The following ZNF385D variants were observed in gnomAD, a reference collection of about 807,000 sequenced individuals.
The protein encoded by ZNF385D is zinc finger protein 659.
In ZNF385D, 15 loss-of-function variants were observed where a neutral mutation model predicts 35.8. The observed-to-expected ratio is 0.42, with a 90% CI of 0.28 to 0.64. The LOEUF is 0.64. ZNF385D is among the 30% of genes least tolerant of loss of function. ZNF385D has a pLI of 0.23. For missense variants in ZNF385D, 474 were observed against 494.6 expected (o/e 0.96, Z 0.39); for synonymous variants, 212 against 186.8 (o/e 1.13, Z -1.10).
At chr3:21,979,791 G>C (rs139868152) in intron 3 of ZNF385D, 182 of 150,432 alleles carry the variant, frequency 1.2e-3, no homozygotes, top group African/African-American at 4.3e-3. Flanking sequence ...GAAAAATATG[G>C]GTCTTGCCTT....
At chr3:21,795,380 A>C (rs1237838632) in intron 3 of ZNF385D, among the ~76,000 whole-genome samples, 6 of 152,220 alleles carry the variant, frequency 3.9e-5, no homozygotes, top group African/African-American at 1.4e-4. Flanking sequence ...ATTAGTGGCC[A>C]CTGCCAGACA....
chr3:21,759,730 T>C (rs2070515932), intron 3 of ZNF385D, among the ~76,000 whole-genome samples: 1 of 152,140 alleles, frequency 6.6e-6, no homozygotes, highest in South Asian at 2.1e-4. Context: ...CTCAAATATG[T>C]TTGCAAACAA....
chr3:21,792,868 G>C (rs2125665743), intron 3 of ZNF385D, among the ~76,000 whole-genome samples: 1 of 152,178 alleles, frequency 6.6e-6, no homozygotes, highest in Middle Eastern at 3.4e-3. Context: ...AATTCTTCTG[G>C]TTTTGTGCAT....
At chr3:21,587,680 G>A (rs923990109) in intron 2 of ZNF385D, among the ~76,000 whole-genome samples, 1 of 152,140 alleles carries the variant, frequency 6.6e-6, no homozygotes, top group Non-Finnish European at 1.5e-5. Flanking sequence ...TTAAATATAA[G>A]AATTATTGGT....
chr3:21,899,424 A>G (rs778567669), intron 3 of ZNF385D, among the ~76,000 whole-genome samples: 4 of 152,172 alleles, frequency 2.6e-5, no homozygotes, highest in Non-Finnish European at 4.4e-5. Context: ...AGAGTTATCT[A>G]AAGGGCTTGT....
chr3:21,629,168 G>A (rs2065214193), intron 2 of ZNF385D, among the ~76,000 whole-genome samples: 1 of 152,068 alleles, frequency 6.6e-6, no homozygotes, highest in Admixed American at 6.6e-5. Flanking sequence ...TTTTGGGGAG[G>A]TGCACCCTTC....
At chr3:22,181,820 GCCA>G (rs1387447902) in intron 2 of ZNF385D, among the ~76,000 whole-genome samples, 2 of 152,022 alleles carry the variant, frequency 1.3e-5, no homozygotes, top group Non-Finnish European at 2.9e-5. Context: ...GAAGCAAGCT[GCCA>G]AAGCTTTTTC....
intron 3 of ZNF385D, among the ~76,000 whole-genome samples, chr3:22,016,238 C>G (rs1219907833): frequency 1.3e-5 from 2 of 152,056 alleles, no homozygotes; most frequent in African/African-American, 4.8e-5. Flanking sequence ...CAAGGAGATG[C>G]CACTAGCATT....
intron 3 of ZNF385D, among the ~76,000 whole-genome samples, chr3:22,012,633 A>G (rs1696648992): frequency 6.6e-6 from 1 of 152,122 alleles, no homozygotes; most frequent in Admixed American, 6.6e-5. Flanking sequence ...TGGATATGAT[A>G]CTTTCCAGAG....
intron 1 of ZNF385D, among the ~76,000 whole-genome samples, chr3:21,705,277 G>A (rs1046875292): frequency 6.6e-6 from 1 of 152,014 alleles, no homozygotes; most frequent in Non-Finnish European, 1.5e-5. Flanking sequence ...ATAAAAGAAG[G>A]CACACTTAGT....
At chr3:21,885,120 A>T (rs567865221) in intron 3 of ZNF385D, among the ~76,000 whole-genome samples, 6 of 152,084 alleles carry the variant, frequency 3.9e-5, no homozygotes, top group Non-Finnish European at 5.9e-5. Flanking sequence ...TGGTGGAAAA[A>T]ATGTTAATAA....
At chr3:21,494,688 T>C (rs938917153) in intron 4 of ZNF385D, among the ~76,000 whole-genome samples, 3 of 152,150 alleles carry the variant, frequency 2.0e-5, no homozygotes, top group Non-Finnish European at 2.9e-5. Context: ...ATTCCCATAA[T>C]CTTTACAAGC....
At chr3:22,125,073 C>T (rs1380848261) in intron 3 of ZNF385D, among the ~76,000 whole-genome samples, 3 of 152,024 alleles carry the variant, frequency 2.0e-5, no homozygotes, top group South Asian at 2.1e-4. Flanking sequence ...AGCCTATAAT[C>T]GACTTTAATT....
intron 3 of ZNF385D, among the ~76,000 whole-genome samples, chr3:21,922,276 G>C (rs966153324): frequency 7.8e-5 from 8 of 102,814 alleles, no homozygotes; most frequent in African/African-American, 2.2e-4. Context: ...CACAGAATTA[G>C]AAAAAAAATT....
At chr3:22,112,097 G>A (rs1702566763) in intron 3 of ZNF385D, among the ~76,000 whole-genome samples, 1 of 152,144 alleles carries the variant, frequency 6.6e-6, no homozygotes, top group African/African-American at 2.4e-5. Context: ...TCAAGCTGCT[G>A]CAGCAAAAGC....
At chr3:21,927,914 T>C (rs1011111263) in intron 3 of ZNF385D, among the ~76,000 whole-genome samples, 2 of 151,972 alleles carry the variant, frequency 1.3e-5, no homozygotes, top group South Asian at 2.1e-4. Flanking sequence ...AGAAAATCAG[T>C]AAGGAGATAG....
At chr3:21,606,381 TGAGTA>T (rs1434958225) in intron 2 of ZNF385D, among the ~76,000 whole-genome samples, 1 of 152,196 alleles carries the variant, frequency 6.6e-6, no homozygotes, top group Admixed American at 6.5e-5. Context: ...CTAAATGCTT[TGAGTA>T]GATTTTCTTT....
rs573003289 is a variant in ZNF385D, at chr3:22,296,508, G to A, written c.106+75942C>T. 1.7e-4 allele frequency among the ~76,000 whole-genome samples: 26 copies of A among 152,212 alleles called. 1 individual carries two copies. In the South Asian group the frequency reaches 5.0e-3, roughly 29 times the overall value. Reference sequence around the variant, plus strand: ...GATAAAAGAGAAGGGAAGCAGAATTGGACAGGGAACGCCTTCAGACCATGA... The same window carrying A: ...GATAAAAGAGAAGGGAAGCAGAATTAGACAGGGAACGCCTTCAGACCATGA... On this transcript the variant is annotated intron_variant, in intron 2 of 5. Transcript: ENST00000494108.
chr3:21,662,738 G>C (rs2066277289), intron 2 of ZNF385D, among the ~76,000 whole-genome samples: 1 of 152,176 alleles, frequency 6.6e-6, no homozygotes, highest in Admixed American at 6.5e-5. Flanking sequence ...CTTGGTTTAA[G>C]TAGAATAAAT....
Sources: allele counts gnomAD v4.1 joint callset (sites outside exome capture counted in the v4.1 genomes callset), GRCh38; gene constraint gnomAD v4.1.1; transcripts MANE v1.5; gene names NCBI Gene and HGNC (gene_info 2026-07-23, HGNC 2026-07-21).